SERPINB11: variants seen among roughly 807,000 people sequenced by gnomAD.
The protein encoded by SERPINB11 is serpin B11.
A neutral mutation model predicts 36.7 loss-of-function variants in SERPINB11; 32 were observed. The observed-to-expected ratio is 0.87, with a 90% CI of 0.66 to 1.17. The LOEUF (loss-of-function observed/expected upper bound fraction) is 1.17, where lower values mean the gene tolerates loss of function less well. SERPINB11 is among the 50% of genes most tolerant of loss of function. The probability of loss-of-function intolerance (pLI) is 0.00; values close to 1 mark genes in which losing one functional copy is unlikely to be tolerated. For synonymous variants in SERPINB11, 174 were observed against 168.1 expected (o/e 1.04, Z -0.27); for missense variants, 528 against 458.4 (o/e 1.15, Z -1.39).
chr18:63,713,029 T>A (rs986312725), intron 4 of SERPINB11, among the ~76,000 whole-genome samples: 1 of 152,038 alleles, frequency 6.6e-6, no homozygotes, highest in Non-Finnish European at 1.5e-5. Context: ...AATAGTGGAG[T>A]ATCAAGAAGT....
At chr18:63,716,177 C>G (rs956247631) in intron 5 of SERPINB11, 25 bp downstream of exon 5, 3 of 1,445,444 alleles carry the variant, frequency 2.1e-6, no homozygotes, top group African/African-American at 1.4e-5. Flanking sequence ...ATATGTGTCT[C>G]TAAACTCTGT....
chr18:63,717,444 G>A (rs746123469), intron 5 of SERPINB11, among the ~76,000 whole-genome samples: 1 of 151,966 alleles, frequency 6.6e-6, no homozygotes, highest in South Asian at 2.1e-4. Flanking sequence ...TGTAGTAGAT[G>A]CCAAGCAATT....
chr18:63,715,928 GA>G, intron 4 of SERPINB11, 106 bp from the exon 5 acceptor site: 2 of 603,002 alleles, frequency 3.3e-6, no homozygotes, highest in South Asian at 4.8e-5. Context: ...TTGTTTATGG[GA>G]ACTGCTTTTT....
At chr18:63,704,242 A>G (rs1914313378) in intron 1 of SERPINB11, among the ~76,000 whole-genome samples, 2 of 152,250 alleles carry the variant, frequency 1.3e-5, no homozygotes, top group Non-Finnish European at 2.9e-5. Context: ...AGAATGTTCA[A>G]TGTAGTGAGG....
At chr18:63,714,709 T>C (rs1598964227) in intron 4 of SERPINB11, among the ~76,000 whole-genome samples, 1 of 152,216 alleles carries the variant, frequency 6.6e-6, no homozygotes, top group South Asian at 2.1e-4. Flanking sequence ...CCTAGTTCCC[T>C]GAACATCGCT....
chr18:63,706,825 C>T (rs886801514), intron 1 of SERPINB11, among the ~76,000 whole-genome samples: 1 of 152,160 alleles, frequency 6.6e-6, no homozygotes, highest in Non-Finnish European at 1.5e-5. Flanking sequence ...GGTGTGTTAT[C>T]GAGGACGCAA....
At chr18:63,719,952 C>T (rs1283634380) in intron 5 of SERPINB11, 61 bp from the exon 6 acceptor site, 2 of 1,388,760 alleles carry the variant, frequency 1.4e-6, no homozygotes, top group East Asian at 4.8e-5. Context: ...TCTCATGACT[C>T]TTCACCTCTC....
At chr18:63,709,648 A>G (rs1169028067) in intron 1 of SERPINB11, among the ~76,000 whole-genome samples, 1 of 151,732 alleles carries the variant, frequency 6.6e-6, no homozygotes, top group Non-Finnish European at 1.5e-5. Flanking sequence ...AATAAAATAA[A>G]AAGTAAAATA....
At position 63,710,203 on chromosome 18, in the gene SERPINB11, C is replaced by T; in HGVS notation, c.10C>T (p.Leu4Phe). The change falls in exon 2 of 8, where the codon CTC (leucine) becomes TTC (phenylalanine). Residue 4 changes from leucine to phenylalanine, a missense_variant. Transcript: ENST00000544088. Reference sequence around the variant, plus strand: ...GGCAGTCGGCATAAAAATGGGTTCTCTCAGCACAGCTAACGTTGAATTTTG... The same window carrying T: ...GGCAGTCGGCATAAAAATGGGTTCTTTCAGCACAGCTAACGTTGAATTTTG... Reference protein sequence around the residue: MGSLSTANVEFCLD... With the variant: MGSFSTANVEFCLD... 1 of 1,608,800 alleles carries T rather than the reference C, an allele frequency of 6.2e-7. No homozygotes were observed.
Position 63,710,350 on chromosome 18 carries a change from C to T in SERPINB11, c.157C>T (p.Gln53Ter), listed in dbSNP as rs201428679. Residue 53 changes from glutamine to a stop codon, truncating the protein, a stop_gained, in exon 2 of 8, where the codon CAA becomes TAA. Transcript: ENST00000544088. LOFTEE classifies it high-confidence loss of function. ...TGGTGCCAGGGGAGAGACTGAAGAG[C>T]AATTGGAGAAGGTATGGAATTCCTC... The part of the protein sequence containing the change: ...LLGARGETEE[Q>*]LEKVLHFSHT... The T allele has an allele frequency of 5.0e-5, 80 of 1,610,914 alleles. No individual in the cohort carries two copies. The highest frequency in any genetic ancestry group is 5.9e-5 in the Non-Finnish European group (69 of 1,178,748).
upstream of SERPINB11, among the ~76,000 whole-genome samples, chr18:63,702,601 G>T (rs1914268186): frequency 1.3e-5 from 2 of 152,066 alleles, no homozygotes; most frequent in African/African-American, 2.4e-5. Context: ...AATAGAAAAA[G>T]AACTGAGCAC....
intron 4 of SERPINB11, among the ~76,000 whole-genome samples, chr18:63,714,445 A>T (rs1332973016): frequency 6.6e-6 from 1 of 152,100 alleles, no homozygotes; most frequent in Non-Finnish European, 1.5e-5. Context: ...CTAGTCAGGA[A>T]TTTCCTCGTC....
chr18:63,714,409 C>T (rs1444332584), intron 4 of SERPINB11, among the ~76,000 whole-genome samples: 3 of 152,080 alleles, frequency 2.0e-5, no homozygotes, highest in Admixed American at 2.0e-4. Flanking sequence ...GGTTTGAGAG[C>T]AGACAACCGG....
At position 63,720,922 on chromosome 18, in the gene SERPINB11, C is replaced by T. The variant is rs1431583670; in HGVS notation, c.710C>T (p.Pro237Leu). 3.7e-6 allele frequency: 6 copies of T among 1,606,916 alleles called. No individual in the cohort carries two copies. The highest frequency in any genetic ancestry group is 2.2e-5 in the East Asian group (1 of 44,724). The stretch of plus-strand genomic sequence containing the variant: ...CCGCAGATGCAAGTTCTTGAGCTGC[C>T]CTACGTTAACAACAAATTAAGCATG... ...KEPQMQVLELPYVNNKLSMII... is the reference protein window; with the variant it reads ...KEPQMQVLELLYVNNKLSMII... The change falls in exon 7 of 8, where the codon CCC (proline) becomes CTC (leucine). Residue 237 changes from proline to leucine, a missense_variant. Transcript: ENST00000544088.
chr18:63,706,868 G>T (rs190178470), intron 1 of SERPINB11, among the ~76,000 whole-genome samples: 6 of 152,286 alleles, frequency 3.9e-5, no homozygotes, highest in African/African-American at 1.2e-4. Context: ...GAAATCCTGG[G>T]TTATCCTCTT....
At chr18:63,719,917 C>T in intron 5 of SERPINB11, 96 bp from the exon 6 acceptor site, 1 of 1,006,354 alleles carries the variant, frequency 9.9e-7, no homozygotes, top group South Asian at 2.1e-5. Flanking sequence ...TACAATTAGT[C>T]TTAAAAAAGA....
intron 7 of SERPINB11, among the ~76,000 whole-genome samples, chr18:63,722,368 G>A (rs1027552133): frequency 4.6e-5 from 7 of 152,148 alleles, no homozygotes; most frequent in Admixed American, 6.6e-5. Flanking sequence ...CGAGGGAGGC[G>A]TTTGAAAGGT....
rs116170504 is a variant in SERPINB11 at position 63,710,217 on chromosome 18, C to G, written c.24C>G (p.Asn8Lys). Residue 8 changes from asparagine to lysine, a missense_variant, in exon 2 of 8, where the codon AAC becomes AAG. Asn to Lys is a moderately conservative substitution (Grantham distance 94). Coordinates refer to ENST00000544088, the MANE Select transcript of SERPINB11 (RefSeq NM_001370475.1). ...AAATGGGTTCTCTCAGCACAGCTAA[C>G]GTTGAATTTTGCCTTGATGTGTTCA... MGSLSTA[N>K]VEFCLDVFKE... 6 of 1,611,104 alleles carry G rather than the reference C, an allele frequency of 3.7e-6. No homozygotes were observed. The highest frequency in any genetic ancestry group is 1.1e-5 in the South Asian group (1 of 90,372).
intron 4 of SERPINB11, among the ~76,000 whole-genome samples, chr18:63,714,980 T>C (rs1334413439): frequency 6.6e-6 from 1 of 152,190 alleles, no homozygotes; most frequent in Non-Finnish European, 1.5e-5. Context: ...TGTAAGAAAT[T>C]ATAAAAGTAT....
Sources: gnomAD v4.1 joint callset for allele counts (sites outside exome capture counted in the v4.1 genomes callset) on GRCh38, gnomAD v4.1.1 for gene constraint, MANE v1.5 for transcripts, NCBI Gene and HGNC (gene_info 2026-07-23, HGNC 2026-07-21) for gene names.